RETREG1: variants seen among roughly 807,000 people sequenced by gnomAD.
RETREG1 encodes the protein family with sequence similarity 134 member B.
RETREG1 carries 44 observed loss-of-function variants against 54.8 expected under a neutral mutation model. That is an observed-to-expected ratio of 0.80 (90% CI 0.63 to 1.03). The LOEUF (loss-of-function observed/expected upper bound fraction) is 1.03, where lower values mean the gene tolerates loss of function less well. Among genes scored for constraint, RETREG1 ranks in the 50% least tolerant of loss-of-function variants. The pLI is 0.00. For synonymous variants in RETREG1, 217 were observed against 238.5 expected (o/e 0.91, Z 0.83); for missense variants, 554 against 605.1 (o/e 0.92, Z 0.89).
At chr5:16,517,122 G>A (rs1483183934) in intron 3 of RETREG1, among the ~76,000 whole-genome samples, 1 of 150,294 alleles carries the variant, frequency 6.7e-6, no homozygotes, top group Non-Finnish European at 1.5e-5. Context: ...TATCTAACAG[G>A]AGTCTTGGAA....
intron 3 of RETREG1, among the ~76,000 whole-genome samples, chr5:16,494,840 G>A (rs543656419): frequency 6.6e-6 from 1 of 152,336 alleles, no homozygotes; most frequent in African/African-American, 2.4e-5. Context: ...TGGGTAATAG[G>A]CAGAAGTTGG....
intron 3 of RETREG1, among the ~76,000 whole-genome samples, chr5:16,564,954 T>A (rs534459041): frequency 1.3e-5 from 2 of 152,372 alleles, no homozygotes; most frequent in East Asian, 3.9e-4. Context: ...GTACAATTCA[T>A]TTTGTGATGC....
rs1278319805 is a variant in RETREG1 at position 16,561,356 on chromosome 5, G to T, written c.458+4407C>A. ...ACTAAAAATACAAAAAATTAGCTGG[G>T]CATGGTGGTGGGCACCTGTAGTCCC... is the stretch of plus-strand genomic sequence containing the variant. On this transcript the variant is annotated intron_variant, in intron 3 of 8. Transcript: ENST00000306320. This position sits in a 1 kb window ranked among gnomAD's most constrained non-coding sequence, Gnocchi z 4.2. 6.6e-6 allele frequency among the ~76,000 whole-genome samples: 1 copy of T among 151,928 alleles called. No individual in the cohort carries two copies. The highest frequency in any genetic ancestry group is 6.6e-5 in the Admixed American group (1 of 15,244).
chr5:16,482,528 C>T (rs944188246), intron 4 of RETREG1, among the ~76,000 whole-genome samples: 2 of 151,678 alleles, frequency 1.3e-5, no homozygotes, highest in African/African-American at 4.8e-5. Context: ...CTCAAAATGT[C>T]TCCAAGCATA....
At chr5:16,521,014 A>T (rs1740518462) in intron 3 of RETREG1, among the ~76,000 whole-genome samples, 1 of 152,198 alleles carries the variant, frequency 6.6e-6, no homozygotes, top group African/African-American at 2.4e-5. Flanking sequence ...ACCCAGGGCC[A>T]CTGACTTGTT....
intron 1 of RETREG1, among the ~76,000 whole-genome samples, chr5:16,602,339 C>T (rs1158716171): frequency 6.6e-6 from 1 of 152,054 alleles, no homozygotes; most frequent in Admixed American, 6.5e-5. Context: ...AGGAAAACGA[C>T]GACGATGGGC....
At chr5:16,483,781 C>T (rs1253937987) in intron 3 of RETREG1, among the ~76,000 whole-genome samples, 2 of 152,036 alleles carry the variant, frequency 1.3e-5, no homozygotes, top group Non-Finnish European at 2.9e-5. Flanking sequence ...GCAGGTTAAT[C>T]ATAGGGTTCC....
At chr5:16,520,241 C>T (rs1199375051) in intron 3 of RETREG1, among the ~76,000 whole-genome samples, 2 of 152,162 alleles carry the variant, frequency 1.3e-5, no homozygotes, top group Admixed American at 1.3e-4. Flanking sequence ...CTGCCCCAGC[C>T]CTATTTTGTC....
rs1404017413 is a variant in RETREG1 at position 16,499,234 on chromosome 5, T to C, written c.459-15762A>G. ...GGGACCACTGTCACATATGCAGCCA[T>C]GTCCTTATGCGGCGTATGACTGTAT... On this transcript the variant is annotated intron_variant, in intron 3 of 8. Transcript: ENST00000306320. Among the ~76,000 whole-genome samples, 7 of 152,282 alleles carry C rather than the reference T, an allele frequency of 4.6e-5. No individual in the cohort carries two copies. The East Asian group carries it at 5.8e-4, about 13-fold the overall frequency.
intron 3 of RETREG1, among the ~76,000 whole-genome samples, chr5:16,487,356 A>G (rs1579593157): frequency 6.6e-6 from 1 of 152,118 alleles, no homozygotes; most frequent in East Asian, 1.9e-4. Context: ...CCAGCCTTCC[A>G]GCTTTCTCTC....
intron 3 of RETREG1, among the ~76,000 whole-genome samples, chr5:16,564,928 A>C (rs1184736258): frequency 1.3e-5 from 2 of 152,154 alleles, no homozygotes; most frequent in Admixed American, 6.5e-5. Flanking sequence ...TCATGGCATT[A>C]TTTTGTCCTC....
chr5:16,554,999 C>T (rs190322561), intron 3 of RETREG1, among the ~76,000 whole-genome samples: 8 of 152,148 alleles, frequency 5.3e-5, no homozygotes, highest in Non-Finnish European at 1.0e-4. Flanking sequence ...ACATTACAAA[C>T]TGGACTCTCC....
chr5:16,609,759 A>T (rs1203471447), intron 1 of RETREG1, among the ~76,000 whole-genome samples: 1 of 152,174 alleles, frequency 6.6e-6, no homozygotes, highest in Non-Finnish European at 1.5e-5. Context: ...ACAAAGGGCG[A>T]TCCTGGGGAG....
intron 1 of RETREG1, among the ~76,000 whole-genome samples, chr5:16,609,503 G>A (rs1743281888): frequency 6.6e-6 from 1 of 152,182 alleles, no homozygotes. Context: ...ATTGTCAACT[G>A]TAGTAAAGAA....
intron 1 of RETREG1, among the ~76,000 whole-genome samples, chr5:16,614,172 A>ATACTATCAAATATGCC (rs1743427426): frequency 6.6e-6 from 1 of 152,258 alleles, no homozygotes; most frequent in African/African-American, 2.4e-5. Context: ...ACACCCCTGG[A>ATACTATCAAATATGCC]TACTATCAAA....
At chr5:16,550,157 T>G (rs1741492834) in intron 3 of RETREG1, among the ~76,000 whole-genome samples, 1 of 152,080 alleles carries the variant, frequency 6.6e-6, no homozygotes, top group African/African-American at 2.4e-5. Context: ...GTGAGGATAC[T>G]ACACCATGAC....
At chr5:16,550,987 T>G (rs557326344) in intron 3 of RETREG1, among the ~76,000 whole-genome samples, 35 of 152,328 alleles carry the variant, frequency 2.3e-4, no homozygotes, top group African/African-American at 8.2e-4. Context: ...GAATTCCTTT[T>G]GGGGTGATGG....
chr5:16,591,204 C>T (rs1742764263), intron 1 of RETREG1, among the ~76,000 whole-genome samples: 1 of 152,282 alleles, frequency 6.6e-6, no homozygotes, highest in East Asian at 1.9e-4. Flanking sequence ...CTGAGATGAC[C>T]TCTTTAGGGT....
intron 3 of RETREG1, chr5:16,508,688 G>A (rs372560991): frequency 6.8e-5 from 110 of 1,608,258 alleles, no homozygotes; most frequent in Middle Eastern, 3.3e-4. Flanking sequence ...CCAAACAATA[G>A]TTTCTTTTCT....
Sources: allele counts gnomAD v4.1 joint callset (sites outside exome capture counted in the v4.1 genomes callset), GRCh38; gene constraint gnomAD v4.1.1; non-coding constraint Gnocchi (gnomAD v3.1); transcripts MANE v1.5; gene names NCBI Gene and HGNC (gene_info 2026-07-23, HGNC 2026-07-21).